FGD4: variants seen among roughly 807,000 people sequenced by gnomAD.
The protein encoded by FGD4 is FYVE, RhoGEF and PH domain containing 4, also known as FYVE, RhoGEF and PH domain-containing protein 4.
A neutral mutation model predicts 102.0 loss-of-function variants in FGD4; 42 were observed. The observed-to-expected ratio is 0.41, with a 90% CI of 0.32 to 0.53. The LOEUF (loss-of-function observed/expected upper bound fraction) is 0.53, where lower values mean the gene tolerates loss of function less well. Ranked by LOEUF, FGD4 falls within the 20% of genes least tolerant of loss-of-function variation. FGD4 has a pLI of 0.21. For synonymous variants in FGD4, 380 were observed against 375.7 expected, an observed-to-expected ratio of 1.01 and a Z score of -0.13; for missense variants, 902 against 1,078.2, an observed-to-expected ratio of 0.84 and a Z score of 2.29.
intron 1 of FGD4, among the ~76,000 whole-genome samples, chr12:32,459,249 A>G (rs1203656221): frequency 7.2e-6 from 1 of 138,804 alleles, no homozygotes; most frequent in Non-Finnish European, 1.5e-5. Flanking sequence ...GCTGGAATCC[A>G]TCGATACACT....
chr12:32,456,826 C>T (rs1475231238), intron 1 of FGD4, among the ~76,000 whole-genome samples: 2 of 152,176 alleles, frequency 1.3e-5, no homozygotes, highest in Non-Finnish European at 2.9e-5. Flanking sequence ...TTTAAAGGAA[C>T]AAATAACCTG....
At chr12:32,519,072 T>C (rs1485611127) in intron 1 of FGD4, among the ~76,000 whole-genome samples, 2 of 133,274 alleles carry the variant, frequency 1.5e-5, no homozygotes, top group East Asian at 4.3e-4. Flanking sequence ...CCCAAGATCA[T>C]GCCATTGCAT....
At chr12:32,590,329 A>G (rs1947367764) in intron 4 of FGD4, among the ~76,000 whole-genome samples, 1 of 151,438 alleles carries the variant, frequency 6.6e-6, no homozygotes, top group South Asian at 2.1e-4. Context: ...AAAAAAAAAA[A>G]AGCAAGGAAT....
In FGD4 at chr12:32,582,255, G is replaced by C; in HGVS notation, c.799G>C (p.Gly267Arg). 1 of 1,614,204 alleles carries C rather than the reference G, an allele frequency of 6.2e-7. No individual in the cohort carries two copies. Among genetic ancestry groups the C allele is most frequent in the Non-Finnish European group, 8.5e-7 (1 of 1,180,034 alleles). ...EPLLDTHIVN[G>R]ERDETATAPA... ...CTTGCTTGATACGCACATAGTGAAT[G>C]GAGAAAGAGATGAAACTGCCACAGC... is the stretch of plus-strand genomic sequence containing the variant. The change falls in exon 4 of 17, where the codon GGA (glycine) becomes CGA (arginine). Residue 267 changes from glycine to arginine, a missense_variant. Gly to Arg is a moderately radical substitution (Grantham distance 125). Transcript: ENST00000534526.
At chr12:32,589,124 T>G (rs1437168560) in intron 4 of FGD4, among the ~76,000 whole-genome samples, 1 of 152,198 alleles carries the variant, frequency 6.6e-6, no homozygotes, top group Non-Finnish European at 1.5e-5. Flanking sequence ...GAGGTATAGA[T>G]CATGTACTAG....
chr12:32,426,992 T>TA (rs1304731308), intron 1 of FGD4, among the ~76,000 whole-genome samples: 3 of 152,106 alleles, frequency 2.0e-5, no homozygotes, highest in Non-Finnish European at 4.4e-5. Context: ...TCTATTTTGT[T>TA]AATCTTTTAA....
At chr12:32,534,571 C>A in intron 1 of FGD4, 1 of 886,754 alleles carries the variant, frequency 1.1e-6, no homozygotes, top group South Asian at 2.8e-5. Flanking sequence ...CACTGCATGC[C>A]GAGGGATGTA....
intron 1 of FGD4, among the ~76,000 whole-genome samples, chr12:32,470,594 C>T (rs1943391823): frequency 6.6e-6 from 1 of 151,430 alleles, no homozygotes; most frequent in Admixed American, 6.6e-5. Flanking sequence ...GCTGGGAGCA[C>T]AGGTGCACAC....
chr12:32,548,865 G>A lies in FGD4; in HGVS notation c.167-15272G>A, dbSNP rs116374250. ...GGTCCAACAGCAGGTTGGAGTTTGG[G>A]TTCATGATTTCAAAGTCAGGGTCGT... is the stretch of plus-strand genomic sequence containing the variant. On this transcript the variant is annotated intron_variant, in intron 1 of 16. Transcript: ENST00000534526. Among the ~76,000 whole-genome samples the A allele has an allele frequency of 8.4e-3, 1,273 of 152,284 alleles. 17 individuals carry two copies. The highest frequency in any genetic ancestry group is 0.028 in the African/African-American group (1,175 of 41,550).
At chr12:32,637,919 A>C (rs552858006) in intron 15 of FGD4, 5 of 152,486 alleles carry the variant, frequency 3.3e-5, no homozygotes, top group South Asian at 4.1e-4. Flanking sequence ...GGGTGGGGAC[A>C]CAAGGCCTAA....
chr12:32,568,522 TA>T (rs112443023), intron 2 of FGD4, among the ~76,000 whole-genome samples: 7,563 of 152,322 alleles, frequency 0.05, 541 homozygotes, highest in African/African-American at 0.16. Flanking sequence ...CTTTAGTAAT[TA>T]AAGTTAATAG....
chr12:32,620,941 G>A lies in FGD4; in HGVS notation c.1922+1071G>A, dbSNP rs565565593. On this transcript the variant is annotated intron_variant, in intron 11 of 16. Transcript: ENST00000534526. ...GCCTCTCAAAGTGCTGGGATTACAGGCATGAGCCACCACACCCGGCCCATA... is the reference window on the plus strand; with the variant it reads ...GCCTCTCAAAGTGCTGGGATTACAGACATGAGCCACCACACCCGGCCCATA... Among the ~76,000 whole-genome samples the A allele has an allele frequency of 7.6e-4, 116 of 151,918 alleles. 3 individuals are homozygous for A. The South Asian group carries it at 0.023, about 30-fold the overall frequency.
intron 1 of FGD4, among the ~76,000 whole-genome samples, chr12:32,530,011 G>C (rs1941642563): frequency 6.6e-6 from 1 of 152,036 alleles, no homozygotes; most frequent in South Asian, 2.1e-4. Context: ...TAGATTTATA[G>C]TTTTTATTCA....
At chr12:32,424,169 A>G (rs1388164909) in intron 1 of FGD4, among the ~76,000 whole-genome samples, 2 of 152,156 alleles carry the variant, frequency 1.3e-5, no homozygotes, top group African/African-American at 2.4e-5. Flanking sequence ...TGCTGCATCC[A>G]TCAACCCGTC....
intron 12 of FGD4, 125 bp downstream of exon 12, chr12:32,624,577 C>G (rs1408414852): frequency 1.2e-6 from 1 of 807,084 alleles, no homozygotes; most frequent in Middle Eastern, 3.5e-4. Flanking sequence ...CTCAAGCAAG[C>G]CTTGCATCTC....
At position 32,428,858 on chromosome 12, in the gene FGD4, G is replaced by T. The variant is rs1941942391; in HGVS notation, c.166+28899G>T. ...TTATGCTTCACAAAGTTCTCATGCT[G>T]TATTTTTCACCTCCATCAGGTCATT... On this transcript the variant is annotated intron_variant, in intron 1 of 16. Coordinates refer to ENST00000534526, the MANE Select transcript of FGD4 (RefSeq NM_001370298.3). Among the ~76,000 whole-genome samples, 3 of 152,298 alleles carry T rather than the reference G, an allele frequency of 2.0e-5. No individual in the cohort carries two copies. In the South Asian group the frequency reaches 6.2e-4, roughly 32 times the overall value.
chr12:32,598,663 G>T lies in FGD4; in HGVS notation c.1101+77G>T, dbSNP rs1013711067. On this transcript the variant is annotated intron_variant, in intron 5 of 16. Transcript: ENST00000534526. ...TTAACCTAGTAATTAGAGTATTTTA[G>T]AAACTGCATGAAGGAAGGGCCTGTT... The T allele has an allele frequency of 9.0e-6, 11 of 1,219,098 alleles. No homozygotes were observed. The African/African-American group carries it at 1.5e-4, about 17-fold the overall frequency. 75.5% of individuals were successfully genotyped at this position (1,219,098 alleles called of 1,614,324 possible).
At chr12:32,526,131 C>T (rs1316510921) in intron 1 of FGD4, among the ~76,000 whole-genome samples, 1 of 152,262 alleles carries the variant, frequency 6.6e-6, no homozygotes, top group African/African-American at 2.4e-5. Flanking sequence ...GCCAGCTGGG[C>T]TCCTGAGTCT....
At chr12:32,430,041 C>T (rs898459883) in intron 1 of FGD4, among the ~76,000 whole-genome samples, 1 of 152,010 alleles carries the variant, frequency 6.6e-6, no homozygotes, top group Non-Finnish European at 1.5e-5. Context: ...GGCGCGCTGG[C>T]TTATGCCTGT....
Sources: allele counts gnomAD v4.1 joint callset (sites outside exome capture counted in the v4.1 genomes callset), GRCh38; gene constraint gnomAD v4.1.1; transcripts MANE v1.5; gene names NCBI Gene and HGNC (gene_info 2026-07-23, HGNC 2026-07-21).